COPG2: variants seen among roughly 807,000 people sequenced by gnomAD.
The protein encoded by COPG2 is coatomer subunit gamma-2.
Under a neutral mutation model 46.3 loss-of-function variants are expected in COPG2, and 37 were observed. The observed-to-expected ratio is 0.80, with a 90% CI of 0.61 to 1.05. The LOEUF is 1.05. Among genes scored for constraint, COPG2 ranks in the 50% least tolerant of loss-of-function variants. The pLI is 0.00. For synonymous variants in COPG2, 159 were observed against 129.7 expected (o/e 1.23, Z -1.53); for missense variants, 427 against 387.8 (o/e 1.10, Z -0.85).
At chr7:130,607,540 T>C (rs1306079176) in intron 9 of COPG2, 4 of 427,122 alleles carry the variant, frequency 9.4e-6, no homozygotes, top group Non-Finnish European at 1.8e-5. Flanking sequence ...ATTTCCTCCA[T>C]AGTGAGTTGC....
At chr7:130,569,339 C>T (rs1793855671) in intron 9 of COPG2, among the ~76,000 whole-genome samples, 1 of 151,884 alleles carries the variant, frequency 6.6e-6, no homozygotes, top group East Asian at 1.9e-4. Context: ...GAGAGAAGAT[C>T]CAAGTAAGCT....
chr7:130,606,260 A>G (rs1026787384), intron 9 of COPG2, among the ~76,000 whole-genome samples: 23 of 145,366 alleles, frequency 1.6e-4, no homozygotes, highest in African/African-American at 3.8e-4. Context: ...GAGAGAGAGA[A>G]AGAAAGAGAA....
chr7:130,625,387 G>T (rs1260697060), intron 5 of COPG2, among the ~76,000 whole-genome samples: 2 of 151,770 alleles, frequency 1.3e-5, no homozygotes, highest in Admixed American at 6.6e-5. Context: ...GTTTCAACTT[G>T]GTTTCTCTTG....
intron 20 of COPG2, among the ~76,000 whole-genome samples, chr7:130,529,599 C>T (rs1259369101): frequency 6.6e-6 from 1 of 152,114 alleles, no homozygotes; most frequent in African/African-American, 2.4e-5. Flanking sequence ...TAAGACCAGA[C>T]CACAGAGGCA....
At chr7:130,616,029 A>G (rs1554452793) in intron 6 of COPG2, among the ~76,000 whole-genome samples, 1 of 152,202 alleles carries the variant, frequency 6.6e-6, no homozygotes, top group African/African-American at 2.4e-5. Context: ...AAATTTGGAT[A>G]AGTTTTATCT....
chr7:130,548,411 CGATGTGATTGGTAA>C lies in COPG2; in HGVS notation c.1955_1968del (p.Phe652CysfsTer5). On this transcript the variant is annotated frameshift_variant, in exon 19 of 24. Coordinates refer to ENST00000425248, the MANE Select transcript of COPG2 (RefSeq NM_012133.6). LOFTEE classifies it high-confidence loss of function. Reference sequence around the variant, plus strand: ...CAAGGGCATTATCTTACCTGGAACACGATGTGATTGGTAAACATGTGCTTGATACATCGAACAAA... The same window carrying C: ...CAAGGGCATTATCTTACCTGGAACACACATGTGCTTGATACATCGAACAAA... 1 of 398,570 alleles carries C rather than the reference CGATGTGATTGGTAA, an allele frequency of 2.5e-6. No individual in the cohort carries two copies. The highest frequency in any genetic ancestry group is 4.4e-6 in the Non-Finnish European group (1 of 226,058). 24.7% of individuals were successfully genotyped at this position (398,570 alleles called of 1,614,324 possible). A position where few individuals can be genotyped will look rare whatever the true frequency, so the allele number is the denominator to read the frequency against.
chr7:130,518,422 A>G (rs1344429472), intron 20 of COPG2, among the ~76,000 whole-genome samples: 3 of 152,218 alleles, frequency 2.0e-5, no homozygotes, highest in Non-Finnish European at 2.9e-5. Context: ...TGAGAGAGCA[A>G]CTGGAGAGCA....
intron 9 of COPG2, among the ~76,000 whole-genome samples, chr7:130,571,708 GA>G (rs1269842231): frequency 1.3e-5 from 2 of 152,064 alleles, no homozygotes; most frequent in African/African-American, 4.8e-5. Flanking sequence ...CTACCCAGAG[GA>G]AAAGAAGTCA....
At chr7:130,659,191 T>A (rs1795919980) in intron 4 of COPG2, among the ~76,000 whole-genome samples, 1 of 151,268 alleles carries the variant, frequency 6.6e-6, no homozygotes, top group African/African-American at 2.4e-5. Context: ...CCGTCTCTAC[T>A]AAAAATACAA....
At chr7:130,616,593 A>G (rs540271446) in intron 6 of COPG2, among the ~76,000 whole-genome samples, 28 of 152,322 alleles carry the variant, frequency 1.8e-4, no homozygotes, top group African/African-American at 6.5e-4. Context: ...CCGACTCAAA[A>G]AAGAAAAAGA....
chr7:130,568,018 C>T (rs1436486809), intron 9 of COPG2, among the ~76,000 whole-genome samples: 3 of 152,136 alleles, frequency 2.0e-5, no homozygotes, highest in Admixed American at 2.0e-4. Flanking sequence ...GTGACTCACA[C>T]CTGTAATCTC....
intron 9 of COPG2, among the ~76,000 whole-genome samples, chr7:130,604,096 G>A (rs1554450855): frequency 2.0e-5 from 3 of 152,166 alleles, no homozygotes; most frequent in Non-Finnish European, 2.9e-5. Flanking sequence ...GTAGGCTGGG[G>A]TGGAAGAGGA....
intron 14 of COPG2, among the ~76,000 whole-genome samples, 167 bp from the exon 15 acceptor site, chr7:130,552,597 T>C (rs1371547546): frequency 3.9e-5 from 6 of 152,172 alleles, no homozygotes; most frequent in African/African-American, 7.2e-5. Flanking sequence ...TAAGCATAAA[T>C]AGAATTCTGC....
chr7:130,508,428 T>C, intron 21 of COPG2, 134 bp downstream of exon 21: 1 of 611,836 alleles, frequency 1.6e-6, no homozygotes, highest in East Asian at 2.8e-5. Flanking sequence ...GTCCTCCTAA[T>C]TTGTCATCTG....
chr7:130,612,314 T>C (rs996781882), intron 7 of COPG2, 76 bp from the exon 8 acceptor site: 3 of 913,608 alleles, frequency 3.3e-6, no homozygotes, highest in Non-Finnish European at 3.2e-6. Context: ...TTAGTTTTCT[T>C]TGAAAATCAC....
At chr7:130,644,760 G>A (rs1249896145) in intron 5 of COPG2, among the ~76,000 whole-genome samples, 1 of 152,090 alleles carries the variant, frequency 6.6e-6, no homozygotes, top group Non-Finnish European at 1.5e-5. Context: ...CTTCAGAAGA[G>A]TCTGCTATTA....
At chr7:130,654,550 G>A (rs2116243150) in intron 4 of COPG2, among the ~76,000 whole-genome samples, 1 of 152,240 alleles carries the variant, frequency 6.6e-6, no homozygotes, top group Middle Eastern at 3.4e-3. Flanking sequence ...ATGTAAATGT[G>A]CACGTGTGTA....
intron 20 of COPG2, among the ~76,000 whole-genome samples, chr7:130,538,315 T>C (rs1405864874): frequency 6.6e-6 from 1 of 151,596 alleles, no homozygotes; most frequent in African/African-American, 2.4e-5. Context: ...GTGAGTGGGG[T>C]CAGGGAAGTT....
rs1308994776 is a variant in COPG2 at position 130,523,119 on chromosome 7, C to CAAAAAAAAAAAAAAAAA, written c.2150-14461_2150-14460insTTTTTTTTTTTTTTTTT. Among the ~76,000 whole-genome samples, 4 of 57,522 alleles carry CAAAAAAAAAAAAAAAAA rather than the reference C, an allele frequency of 7.0e-5. 1 individual carries two copies. Among genetic ancestry groups the CAAAAAAAAAAAAAAAAA allele is most frequent in the African/African-American group, 3.2e-4 (4 of 12,560 alleles). 37.7% of individuals were successfully genotyped at this position (57,522 alleles called of 152,430 possible). A position where few individuals can be genotyped will look rare whatever the true frequency, so the allele number is the denominator to read the frequency against. On this transcript the variant is annotated intron_variant, in intron 20 of 23. Transcript: ENST00000425248. ...GGGCGACAGAGTGAAACTCTTCTCT[C>CAAAAAAAAAAAAAAAAA]AAAAAAAAAAAAAAAGAAGGCTCCA...
Sources: gnomAD v4.1 joint callset for allele counts (sites outside exome capture counted in the v4.1 genomes callset) on GRCh38, gnomAD v4.1.1 for gene constraint, MANE v1.5 for transcripts, NCBI Gene and HGNC (gene_info 2026-07-23, HGNC 2026-07-21) for gene names.